Variants in VPS41 observed in about 807,000 individuals in gnomAD.
VPS41 encodes the protein VPS41 subunit of HOPS complex.
Under a neutral mutation model 130.9 loss-of-function variants are expected in VPS41, and 85 were observed. That is an observed-to-expected ratio of 0.65 (90% CI 0.55 to 0.78). VPS41 has a LOEUF of 0.78. Ranked by LOEUF, VPS41 falls within the 30% of genes least tolerant of loss-of-function variation. VPS41 has a pLI of 0.00. For synonymous variants in VPS41, 335 were observed against 332.9 expected, an observed-to-expected ratio of 1.01 and a Z score of -0.07; for missense variants, 874 against 1,018.7, an observed-to-expected ratio of 0.86 and a Z score of 1.93.
At chr7:38,792,337 A>G (rs1036024346) in intron 9 of VPS41, among the ~76,000 whole-genome samples, 25 of 152,176 alleles carry the variant, frequency 1.6e-4, no homozygotes, top group African/African-American at 6.0e-4. Context: ...ACTTCTCCAC[A>G]TGGGTGGATA....
In VPS41 at chr7:38,846,999, T is replaced by C. The variant is rs192075643; in HGVS notation, c.246+15546A>G. On this transcript the variant is annotated intron_variant, in intron 4 of 28. Coordinates refer to ENST00000310301, the MANE Select transcript of VPS41 (RefSeq NM_014396.4). ...TTTTTCTTGGGCCCAATATTTAGAT[T>C]AAAAAAGAGTAGGAGACTTCACCGT... Among the ~76,000 whole-genome samples, 5 of 152,056 alleles carry C rather than the reference T, an allele frequency of 3.3e-5. No individual in the cohort carries two copies. The East Asian group carries it at 9.7e-4, about 29-fold the overall frequency.
chr7:38,770,007 T>C (rs1478537454), intron 14 of VPS41, among the ~76,000 whole-genome samples: 2 of 152,108 alleles, frequency 1.3e-5, no homozygotes, highest in African/African-American at 2.4e-5. Context: ...CAGTGGCTCA[T>C]GTCTATAATA....
chr7:38,895,558 G>A (rs937361063), intron 2 of VPS41, among the ~76,000 whole-genome samples: 5 of 152,126 alleles, frequency 3.3e-5, no homozygotes, highest in African/African-American at 9.7e-5. Flanking sequence ...AGTAACAGAC[G>A]TTACCAGGGA....
At chr7:38,820,878 T>C (rs1785155420) in intron 6 of VPS41, among the ~76,000 whole-genome samples, 1 of 152,184 alleles carries the variant, frequency 6.6e-6, no homozygotes, top group African/African-American at 2.4e-5. Flanking sequence ...TCCTTTCAGC[T>C]TTGGAACGCT....
At chr7:38,734,800 A>C (rs1284701490) in intron 25 of VPS41, among the ~76,000 whole-genome samples, 1 of 152,244 alleles carries the variant, frequency 6.6e-6, no homozygotes, top group African/African-American at 2.4e-5. Context: ...AATGCTTATC[A>C]TTAGAACTGC....
chr7:38,848,219 G>C (rs1050938675), intron 4 of VPS41, among the ~76,000 whole-genome samples: 4 of 152,224 alleles, frequency 2.6e-5, no homozygotes, highest in African/African-American at 9.6e-5. Context: ...CACTAGACCT[G>C]CACTGGGATC....
intron 7 of VPS41, 108 bp from the exon 8 acceptor site, chr7:38,796,972 C>T: frequency 1.6e-6 from 2 of 1,266,532 alleles, no homozygotes; most frequent in Non-Finnish European, 2.2e-6. Flanking sequence ...AAACAAGTCA[C>T]TCTCGACGTC....
At chr7:38,864,150 C>T (rs574205698) in intron 3 of VPS41, among the ~76,000 whole-genome samples, 1 of 152,206 alleles carries the variant, frequency 6.6e-6, no homozygotes, top group African/African-American at 2.4e-5. Context: ...TCATAAATAC[C>T]GTATTTAGTT....
intron 25 of VPS41, among the ~76,000 whole-genome samples, chr7:38,731,057 C>T (rs866377596): frequency 4.6e-5 from 7 of 152,352 alleles, no homozygotes; most frequent in Middle Eastern, 3.4e-3. Context: ...GGAAAGTACA[C>T]AAATACAGCT....
Position 38,758,426 on chromosome 7 carries a change from A to G in VPS41, c.1478T>C (p.Ile493Thr). The G allele has an allele frequency of 6.2e-7, 1 of 1,613,570 alleles. No individual in the cohort carries two copies. The highest frequency in any genetic ancestry group is 1.1e-5 in the South Asian group (1 of 91,042). The stretch of plus-strand genomic sequence containing the variant: ...CAAATGATCCCGAACTGCTTGAACT[A>G]TGACTGAATTATTATACAGATCTCC... ...WPGDLYNNSV[I>T]VQAVRDHLKK... is the part of the protein sequence containing the mutation. Residue 493 changes from isoleucine (I) to threonine (T), a missense_variant, in exon 18 of 29, where the codon ATA becomes ACA. By Grantham distance (89) the Ile-to-Thr change is moderately conservative. Transcript: ENST00000310301.
chr7:38,837,599 T>A (rs932278172), intron 4 of VPS41, among the ~76,000 whole-genome samples: 2 of 152,216 alleles, frequency 1.3e-5, no homozygotes, highest in Admixed American at 6.5e-5. Context: ...CTCCTACCCA[T>A]CAAACATGAG....
chr7:38,851,267 C>T (rs1785847975), intron 4 of VPS41, among the ~76,000 whole-genome samples: 1 of 152,208 alleles, frequency 6.6e-6, no homozygotes, highest in Admixed American at 6.5e-5. Context: ...TTTTTTTCCA[C>T]ATCAGTAAAG....
chr7:38,902,057 A>T (rs1787157469), intron 1 of VPS41, among the ~76,000 whole-genome samples: 1 of 152,148 alleles, frequency 6.6e-6, no homozygotes, highest in Non-Finnish European at 1.5e-5. Flanking sequence ...ATTTCATTTT[A>T]CCTTTCTTTT....
At chr7:38,800,792 T>A (rs1784710589) in intron 7 of VPS41, among the ~76,000 whole-genome samples, 1 of 152,086 alleles carries the variant, frequency 6.6e-6, no homozygotes, top group Admixed American at 6.5e-5. Flanking sequence ...GCCAAGATTG[T>A]GCCATTGCAC....
At chr7:38,899,421 T>C (rs1439704540) in intron 1 of VPS41, among the ~76,000 whole-genome samples, 2 of 152,224 alleles carry the variant, frequency 1.3e-5, no homozygotes, top group African/African-American at 2.4e-5. Context: ...ACATGATAGC[T>C]GTCCAGAGAG....
intron 25 of VPS41, 148 bp from the exon 26 acceptor site, chr7:38,728,939 T>C (rs901714602): frequency 7.1e-6 from 5 of 700,106 alleles, no homozygotes; most frequent in Non-Finnish European, 1.2e-5. Context: ...AGTACCCTCT[T>C]CCTGCCAAAC....
chr7:38,814,997 A>G (rs1785014379), intron 7 of VPS41, among the ~76,000 whole-genome samples: 1 of 152,218 alleles, frequency 6.6e-6, no homozygotes, highest in African/African-American at 2.4e-5. Flanking sequence ...AACCCTCATG[A>G]GCAACCTTCA....
Position 38,890,329 on chromosome 7 carries a change from G to A in VPS41, c.60+7762C>T, listed in dbSNP as rs537201309. Among the ~76,000 whole-genome samples, 8 of 152,256 alleles carry A rather than the reference G, an allele frequency of 5.3e-5. No homozygotes were observed. In the South Asian group the frequency reaches 6.2e-4, roughly 12 times the overall value. Reference sequence around the variant, plus strand: ...TCTATGCATATAGTATGTATAAAACGACAAAATTATACAGATGGAGAACAG... The same window carrying A: ...TCTATGCATATAGTATGTATAAAACAACAAAATTATACAGATGGAGAACAG... On this transcript the variant is annotated intron_variant, in intron 2 of 28. Coordinates refer to ENST00000310301, the MANE Select transcript of VPS41 (RefSeq NM_014396.4).
intron 15 of VPS41, among the ~76,000 whole-genome samples, chr7:38,766,420 C>T (rs753194306): frequency 6.6e-5 from 10 of 152,312 alleles, no homozygotes; most frequent in African/African-American, 9.6e-5. Context: ...TAAGCAGAGG[C>T]ACTTTCTTCT....
Sources: allele counts gnomAD v4.1 joint callset (sites outside exome capture counted in the v4.1 genomes callset), GRCh38; gene constraint gnomAD v4.1.1; transcripts MANE v1.5; gene names NCBI Gene and HGNC (gene_info 2026-07-23, HGNC 2026-07-21).